Variants in CPLX2 observed in about 807,000 individuals in gnomAD.
CPLX2 encodes the protein complexin 2.
CPLX2 carries 5 observed loss-of-function variants against 16.3 expected under a neutral mutation model. That is an observed-to-expected ratio of 0.31 (90% CI 0.16 to 0.64). The LOEUF (loss-of-function observed/expected upper bound fraction) is 0.64, where lower values mean the gene tolerates loss of function less well. CPLX2 is among the 30% of genes least tolerant of loss of function. The pLI is 0.79. For synonymous variants in CPLX2, 89 were observed against 73.2 expected (o/e 1.22, Z -1.10); for missense variants, 144 against 181.4 (o/e 0.79, Z 1.18).
chr5:175,856,773 C>T (rs942016178), intron 2 of CPLX2, among the ~76,000 whole-genome samples: 2 of 151,828 alleles, frequency 1.3e-5, no homozygotes, highest in African/African-American at 4.8e-5. Context: ...CTGCGCACAG[C>T]GGGTTCTCAG....
At chr5:175,813,257 T>C (rs1252446282) in intron 2 of CPLX2, among the ~76,000 whole-genome samples, 4 of 152,182 alleles carry the variant, frequency 2.6e-5, no homozygotes, top group African/African-American at 9.7e-5. Flanking sequence ...CCTCTGAAAA[T>C]AAAATTGTGA....
At chr5:175,826,131 G>A (rs889167659) in intron 2 of CPLX2, among the ~76,000 whole-genome samples, 1 of 151,938 alleles carries the variant, frequency 6.6e-6, no homozygotes. Flanking sequence ...CTGCGATAAA[G>A]GTGTGTGAAG....
intron 2 of CPLX2, among the ~76,000 whole-genome samples, chr5:175,831,190 G>A (rs1758729970): frequency 6.6e-6 from 1 of 152,184 alleles, no homozygotes; most frequent in African/African-American, 2.4e-5. Flanking sequence ...GTTTACGTGT[G>A]TCTGTCAGTC....
Position 175,880,363 on chromosome 5 carries a change from C to T in CPLX2, c.*318C>T, listed in dbSNP as rs1229256429. On this transcript the variant is annotated 3_prime_UTR_variant, in exon 4 of 4. Coordinates refer to ENST00000393745, the MANE Select transcript of CPLX2 (RefSeq NM_001008220.2). ...ATACATTCCTCCCTGCTCCCCACTG[C>T]CAGGAGGACCACTGTCCCCAGCCAG... is the stretch of plus-strand genomic sequence containing the variant. The T allele has an allele frequency of 9.5e-6, 4 of 421,862 alleles. No homozygotes were observed. Among genetic ancestry groups the T allele is most frequent in the Non-Finnish European group, 1.8e-5 (4 of 223,304 alleles). 26.1% of individuals were successfully genotyped at this position (421,862 alleles called of 1,614,324 possible).
chr5:175,851,766 C>T (rs1047654182), intron 2 of CPLX2, among the ~76,000 whole-genome samples: 22 of 152,218 alleles, frequency 1.4e-4, no homozygotes, highest in African/African-American at 4.1e-4. Context: ...CTGGAATCAA[C>T]GCCGGGGCTG....
At position 175,878,954 on chromosome 5, in the gene CPLX2, G is replaced by A. The variant is rs1035106998; in HGVS notation, c.78G>A (p.Lys26=). 1 of 1,611,418 alleles carries A rather than the reference G, an allele frequency of 6.2e-7. No individual in the cohort carries two copies. The highest frequency in any genetic ancestry group is 1.3e-5 in the African/African-American group (1 of 74,838). Residue 26 remains lysine, a synonymous_variant, in exon 3 of 4, where the codon AAG becomes AAA. Transcript: ENST00000393745. ...MGKMLGGEEE[K]DPDAQKKEEE... ...AGATGCTGGGGGGAGAGGAGGAGAA[G>A]GACCCCGACGCGCAGAAAAAGGAGG...
At chr5:175,871,446 A>AGG (rs1561790403), upstream of CPLX2, 8 of 98,716 alleles carry the variant, frequency 8.1e-5, no homozygotes, top group African/African-American at 2.2e-4. Context: ...AGAGAGAGAG[A>AGG]GAGAGAGAGA....
At position 175,833,288 on chromosome 5, in the gene CPLX2, G is replaced by A. The variant is rs138674672; in HGVS notation, c.-89+24220G>A. Among the ~76,000 whole-genome samples the A allele has an allele frequency of 1.1e-3, 171 of 152,274 alleles. 1 individual carries two copies. The highest frequency in any genetic ancestry group is 3.9e-3 in the African/African-American group (161 of 41,550). ...GCTTCATAATCTACCTTGTGATTAG[G>A]AATTGCCACCCTGATTTTGCAGATG... On this transcript the variant is annotated intron_variant, in intron 2 of 4. Transcript: ENST00000359546.
upstream of CPLX2, among the ~76,000 whole-genome samples, chr5:175,869,954 G>C (rs1759554066): frequency 6.6e-6 from 1 of 152,200 alleles, no homozygotes; most frequent in East Asian, 1.9e-4. Context: ...CATTTACTGA[G>C]AATATTCTTG....
At chr5:175,847,832 C>T (rs2113675459) in intron 2 of CPLX2, among the ~76,000 whole-genome samples, 1 of 152,318 alleles carries the variant, frequency 6.6e-6, no homozygotes, top group Middle Eastern at 3.4e-3. Context: ...CCTGGGACCC[C>T]CAGCCCCTCT....
chr5:175,847,147 G>A (rs950219371), intron 2 of CPLX2, among the ~76,000 whole-genome samples: 3 of 152,226 alleles, frequency 2.0e-5, no homozygotes, highest in Admixed American at 6.5e-5. Flanking sequence ...CGTCCCAGGC[G>A]ACGTGAGGCC....
Position 175,799,539 on chromosome 5 carries a change from CATATATAT to C in CPLX2, c.-169+2785_-169+2792del, listed in dbSNP as rs70988299. Among the ~76,000 whole-genome samples the C allele has an allele frequency of 8.0e-3, 576 of 72,242 alleles. 9 individuals are homozygous for C. Among genetic ancestry groups the C allele is most frequent in the Admixed American group, 0.039 (245 of 6,286 alleles). The allele number at this position is 72,242 out of a possible 152,430, so 47.4% of individuals were successfully genotyped here. ...ATCTTTGAGATCCCTTTGCAAATTT[CATATATAT>C]ATATATATATATATATATATATATA... On this transcript the variant is annotated intron_variant, in intron 1 of 4. Coordinates refer to the CPLX2 transcript ENST00000359546.
At chr5:175,869,213 T>G (rs1315654232), upstream of CPLX2, among the ~76,000 whole-genome samples, 1 of 152,220 alleles carries the variant, frequency 6.6e-6, no homozygotes, top group African/African-American at 2.4e-5. Flanking sequence ...CAAAATGAAG[T>G]CACCAAAACT....
intron 2 of CPLX2, among the ~76,000 whole-genome samples, chr5:175,825,816 C>T (rs1302908336): frequency 2.0e-5 from 3 of 151,900 alleles, no homozygotes; most frequent in Non-Finnish European, 2.9e-5. Flanking sequence ...GAAATCTCAG[C>T]TCCCAGCAGC....
rs1755690970 is a variant in CPLX2, at chr5:175,883,906, C to G, written c.*3861C>G. 6.5e-6 allele frequency: 1 copy of G among 152,864 alleles called. No individual in the cohort carries two copies. Among genetic ancestry groups the G allele is most frequent in the Non-Finnish European group, 1.5e-5 (1 of 68,248 alleles). The allele number at this position is 152,864 out of a possible 1,614,324, so 9.5% of individuals were successfully genotyped here. Reference sequence around the variant, plus strand: ...CCTGGGGGGAGGGGAGGAGCACCCCCTCAGCCCCCCTGAACCTGACCAAAA... The same window carrying G: ...CCTGGGGGGAGGGGAGGAGCACCCCGTCAGCCCCCCTGAACCTGACCAAAA... On this transcript the variant is annotated 3_prime_UTR_variant, in exon 4 of 4. Transcript: ENST00000393745.
chr5:175,860,556 GAAAGAAAAA>G (rs1759350693), intron 2 of CPLX2, among the ~76,000 whole-genome samples: 35 of 120,240 alleles, frequency 2.9e-4, no homozygotes, highest in African/African-American at 1.1e-3. Context: ...TAGAAAGAAA[GAAAGAAAAA>G]GAAGGGAGGG....
At chr5:175,852,243 C>T (rs1453436178) in intron 2 of CPLX2, among the ~76,000 whole-genome samples, 1 of 152,194 alleles carries the variant, frequency 6.6e-6, no homozygotes, top group African/African-American at 2.4e-5. Flanking sequence ...CGAAACTTTA[C>T]CAATGACAAA....
intron 1 of CPLX2, among the ~76,000 whole-genome samples, chr5:175,873,508 G>A (rs1453727394): frequency 6.6e-6 from 1 of 152,100 alleles, no homozygotes; most frequent in Non-Finnish European, 1.5e-5. Flanking sequence ...GGAAGGGCAA[G>A]ACAAAGAAAG....
chr5:175,860,023 A>T (rs1007370833), intron 2 of CPLX2, among the ~76,000 whole-genome samples: 1 of 152,250 alleles, frequency 6.6e-6, no homozygotes, highest in African/African-American at 2.4e-5. Flanking sequence ...GCATGAGCAG[A>T]GCCGGGACCT....
Sources: allele counts gnomAD v4.1 joint callset (sites outside exome capture counted in the v4.1 genomes callset), GRCh38; gene constraint gnomAD v4.1.1; transcripts MANE v1.5; gene names NCBI Gene and HGNC (gene_info 2026-07-23, HGNC 2026-07-21).